Variants in EXOC4 observed in about 807,000 individuals in gnomAD.
EXOC4 encodes the protein SEC8-like 1.
A neutral mutation model predicts 107.2 loss-of-function variants in EXOC4; 71 were observed. That is an observed-to-expected ratio of 0.66 (90% confidence interval 0.55 to 0.81). EXOC4 has a LOEUF of 0.81. EXOC4 is among the 30% of genes least tolerant of loss of function. The pLI is 0.00. For missense variants in EXOC4, 1,108 were observed against 1,189.6 expected (o/e 0.93, Z 1.01); for synonymous variants, 456 against 441.2 (o/e 1.03, Z -0.42).
At chr7:133,286,260 G>A (rs1794274332) in intron 2 of EXOC4, among the ~76,000 whole-genome samples, 1 of 151,642 alleles carries the variant, frequency 6.6e-6, no homozygotes, top group African/African-American at 2.4e-5. Context: ...CCTTTCTATT[G>A]GAGTTTTAAA....
At chr7:134,098,496 G>C in the EXOC4 span, among the ~76,000 whole-genome samples, 1 of 152,144 alleles carries the variant, frequency 6.6e-6, no homozygotes, top group Admixed American at 6.6e-5. Context: ...GCTGTGAAAA[G>C]AAAGCTAGGT....
chr7:133,511,081 A>C (rs910061251), intron 9 of EXOC4, among the ~76,000 whole-genome samples: 1 of 152,116 alleles, frequency 6.6e-6, no homozygotes, highest in African/African-American at 2.4e-5. Context: ...CAGAACATTT[A>C]GGCTCCAGGC....
chr7:133,965,089 A>T (rs1018825461), intron 14 of EXOC4, among the ~76,000 whole-genome samples: 2 of 152,092 alleles, frequency 1.3e-5, no homozygotes, highest in African/African-American at 4.8e-5. Context: ...AGTGATGATG[A>T]GCTTTTTTTC....
chr7:133,735,219 C>CAAAAAAAAAAAAAAAAAAA (rs56769096), intron 10 of EXOC4, among the ~76,000 whole-genome samples: 1 of 33,494 alleles, frequency 3.0e-5, no homozygotes, highest in Non-Finnish European at 4.8e-5. Flanking sequence ...GACTCTGTCT[C>CAAAAAAAAAAAAAAAAAAA]AAAAAAAAAA....
At chr7:133,385,799 T>C (rs1240665238) in intron 7 of EXOC4, among the ~76,000 whole-genome samples, 1 of 152,226 alleles carries the variant, frequency 6.6e-6, no homozygotes, top group African/African-American at 2.4e-5. Context: ...AAAAGCCTAC[T>C]TTGGCTTATA....
chr7:134,067,634 T>TACAC (rs375285410), downstream of EXOC4, among the ~76,000 whole-genome samples: 7,297 of 133,342 alleles, frequency 0.055, 249 homozygotes, highest in African/African-American at 0.073. Context: ...CTTATATATA[T>TACAC]ATATACACAC....
At chr7:133,727,142 G>T (rs1795231144) in intron 10 of EXOC4, among the ~76,000 whole-genome samples, 1 of 151,994 alleles carries the variant, frequency 6.6e-6, no homozygotes, top group Non-Finnish European at 1.5e-5. Flanking sequence ...TTTTGTTATT[G>T]ATCTAAGCAC....
intron 11 of EXOC4, among the ~76,000 whole-genome samples, chr7:133,856,811 A>G (rs1366981385): frequency 6.6e-6 from 1 of 151,922 alleles, no homozygotes; most frequent in Non-Finnish European, 1.5e-5. Flanking sequence ...AGAACACTTT[A>G]AAAAATATTA....
intron 17 of EXOC4, among the ~76,000 whole-genome samples, chr7:134,059,240 G>T (rs1365593833): frequency 6.6e-6 from 1 of 152,156 alleles, no homozygotes; most frequent in Non-Finnish European, 1.5e-5. Context: ...AATTTGCAAA[G>T]AAGGGAACTG....
At chr7:134,015,227 G>T (rs1231859472) in intron 17 of EXOC4, among the ~76,000 whole-genome samples, 2 of 152,092 alleles carry the variant, frequency 1.3e-5, no homozygotes, top group Admixed American at 6.5e-5. Flanking sequence ...ACTCCCTATT[G>T]TCCTTACCAT....
intron 12 of EXOC4, among the ~76,000 whole-genome samples, chr7:133,909,865 A>C (rs901670578): frequency 6.6e-6 from 1 of 151,330 alleles, no homozygotes; most frequent in Non-Finnish European, 1.5e-5. Context: ...AACACAGACT[A>C]TATTTAAATT....
intron 10 of EXOC4, among the ~76,000 whole-genome samples, chr7:133,793,622 A>T (rs1185419873): frequency 1.3e-5 from 2 of 152,192 alleles, no homozygotes; most frequent in Admixed American, 1.3e-4. Context: ...AGGTGGACGG[A>T]TCACCTGAGG....
At chr7:133,731,482 T>G (rs900350402) in intron 10 of EXOC4, among the ~76,000 whole-genome samples, 2 of 152,154 alleles carry the variant, frequency 1.3e-5, no homozygotes, top group Non-Finnish European at 2.9e-5. Flanking sequence ...TAGTAACTTG[T>G]AGAACTACTA....
chr7:133,468,702 A>C (rs1461992325), intron 7 of EXOC4, among the ~76,000 whole-genome samples: 1 of 152,106 alleles, frequency 6.6e-6, no homozygotes, highest in East Asian at 1.9e-4. Flanking sequence ...TTCTGGGAGA[A>C]AGCCAGAGGA....
chr7:133,459,322 G>A (rs754825105), intron 7 of EXOC4, among the ~76,000 whole-genome samples: 1 of 152,182 alleles, frequency 6.6e-6, no homozygotes, highest in African/African-American at 2.4e-5. Flanking sequence ...CCCATTGGAT[G>A]TTCTCTAGTT....
intron 10 of EXOC4, among the ~76,000 whole-genome samples, chr7:133,753,866 T>G (rs754633429): frequency 4.6e-5 from 7 of 152,018 alleles, no homozygotes; most frequent in Non-Finnish European, 7.4e-5. Flanking sequence ...GTTGAAGGAG[T>G]GTAAGTCAAA....
chr7:133,729,498 A>G (rs1480922006), intron 10 of EXOC4, among the ~76,000 whole-genome samples: 1 of 152,098 alleles, frequency 6.6e-6, no homozygotes, highest in African/African-American at 2.4e-5. Context: ...CCAGGTAAAT[A>G]TATATTTAAC....
intron 10 of EXOC4, among the ~76,000 whole-genome samples, chr7:133,722,299 T>C (rs1423406434): frequency 6.6e-6 from 1 of 152,208 alleles, no homozygotes; most frequent in Non-Finnish European, 1.5e-5. Flanking sequence ...AACTGGTATC[T>C]CTGGCCACAC....
intron 1 of EXOC4, among the ~76,000 whole-genome samples, chr7:133,267,847 C>G (rs562713131): frequency 5.6e-4 from 86 of 152,326 alleles, no homozygotes; most frequent in Non-Finnish European, 1.1e-3. Flanking sequence ...CATGACCTCT[C>G]TAGATCCTGC....
Sources: gnomAD v4.1 joint callset for allele counts (sites outside exome capture counted in the v4.1 genomes callset) on GRCh38, gnomAD v4.1.1 for gene constraint, MANE v1.5 for transcripts, NCBI Gene and HGNC (gene_info 2026-07-23, HGNC 2026-07-21) for gene names.